Variants in CCDC68 observed in about 807,000 individuals in gnomAD.
CCDC68 encodes coiled-coil domain containing 68.
CCDC68 carries 45 observed loss-of-function variants against 47.1 expected under a neutral mutation model. That is an observed-to-expected ratio of 0.96 (90% CI 0.75 to 1.23). CCDC68 has a LOEUF of 1.23. Among genes scored for constraint, CCDC68 ranks in the 50% most tolerant of loss-of-function variants. The pLI is 0.00. For synonymous variants in CCDC68, 131 were observed against 129.5 expected (o/e 1.01, Z -0.08); for missense variants, 353 against 373.6 (o/e 0.94, Z 0.45).
chr18:54,905,144 C>G (rs997215091), intron 11 of CCDC68, among the ~76,000 whole-genome samples: 1 of 151,712 alleles, frequency 6.6e-6, no homozygotes, highest in Admixed American at 6.6e-5. Flanking sequence ...GCCCTAGCTA[C>G]TGGGGAGGCT....
chr18:54,922,524 C>A (rs777819152), intron 8 of CCDC68, among the ~76,000 whole-genome samples: 1 of 152,012 alleles, frequency 6.6e-6, no homozygotes, highest in Admixed American at 6.6e-5. Flanking sequence ...CAGAAGAAAA[C>A]CTCAGTTACT....
intron 7 of CCDC68, among the ~76,000 whole-genome samples, chr18:54,930,354 A>C (rs1300201529): frequency 1.3e-5 from 2 of 152,280 alleles, no homozygotes; most frequent in African/African-American, 4.8e-5. Context: ...CTATATTGAA[A>C]TGTTGGGATA....
At chr18:54,929,262 T>C (rs2044202246) in intron 7 of CCDC68, among the ~76,000 whole-genome samples, 1 of 152,200 alleles carries the variant, frequency 6.6e-6, no homozygotes, top group Non-Finnish European at 1.5e-5. Flanking sequence ...TACATTAGAC[T>C]GACTTGTTGG....
chr18:54,914,883 A>G (rs1207957257), intron 10 of CCDC68, among the ~76,000 whole-genome samples: 3 of 152,242 alleles, frequency 2.0e-5, no homozygotes, highest in Admixed American at 6.5e-5. Context: ...TGTTTAACCA[A>G]CAGGCCAGCT....
At chr18:54,922,426 A>G (rs781612074) in intron 8 of CCDC68, among the ~76,000 whole-genome samples, 6 of 152,182 alleles carry the variant, frequency 3.9e-5, no homozygotes, top group Non-Finnish European at 8.8e-5. Flanking sequence ...TGCGAGAGGC[A>G]GGACTGAGAA....
At chr18:54,920,372 C>T (rs2044036871) in intron 8 of CCDC68, among the ~76,000 whole-genome samples, 1 of 151,466 alleles carries the variant, frequency 6.6e-6, no homozygotes, top group Non-Finnish European at 1.5e-5. Flanking sequence ...ATTCTTGCAG[C>T]TGGGATTACA....
At chr18:54,914,712 TTACTG>T (rs1318577433) in intron 10 of CCDC68, among the ~76,000 whole-genome samples, 5 of 152,150 alleles carry the variant, frequency 3.3e-5, no homozygotes, top group Non-Finnish European at 5.9e-5. Flanking sequence ...TTCTGTCACA[TTACTG>T]TAGAGAGTCT....
chr18:54,932,761 G>A (rs987672570), intron 7 of CCDC68, among the ~76,000 whole-genome samples: 2 of 152,192 alleles, frequency 1.3e-5, no homozygotes, highest in African/African-American at 4.8e-5. Flanking sequence ...CTGAGCCACT[G>A]AACCTTATTC....
chr18:54,941,184 T>C, intron 3 of CCDC68, 101 bp from the exon 4 acceptor site: 1 of 670,306 alleles, frequency 1.5e-6, no homozygotes, highest in East Asian at 2.7e-5. Flanking sequence ...TAGAAAGTAA[T>C]ACATATATAC....
intron 1 of CCDC68, among the ~76,000 whole-genome samples, chr18:54,949,237 C>A (rs2044575192): frequency 6.6e-6 from 1 of 152,164 alleles, no homozygotes; most frequent in Admixed American, 6.5e-5. Flanking sequence ...CTCAAGTGAT[C>A]CACCCACCTT....
At chr18:54,928,014 A>G (rs1269545055) in intron 8 of CCDC68, among the ~76,000 whole-genome samples, 1 of 152,242 alleles carries the variant, frequency 6.6e-6, no homozygotes, top group Non-Finnish European at 1.5e-5. Flanking sequence ...GGTGCCTGAT[A>G]CCCTAGTGAA....
intron 8 of CCDC68, among the ~76,000 whole-genome samples, chr18:54,924,684 G>A (rs974962654): frequency 6.6e-6 from 1 of 152,098 alleles, no homozygotes; most frequent in African/African-American, 2.4e-5. Flanking sequence ...TAGCAACATG[G>A]GATGATCATA....
At chr18:54,929,453 A>T in intron 7 of CCDC68, among the ~76,000 whole-genome samples, 1 of 152,246 alleles carries the variant, frequency 6.6e-6, no homozygotes, top group Middle Eastern at 3.2e-3. Context: ...TTTTAAAAAG[A>T]TGCCTTAATT....
rs532519399 is a variant in CCDC68 at position 54,959,364 on chromosome 18, C to G, written c.-131G>C. Reference sequence around the variant, plus strand: ...GTGGGGCGCCCAGCCGACGCGGGGTCCCGGTGCTGCTCCTCCCCTGGGCGA... The same window carrying G: ...GTGGGGCGCCCAGCCGACGCGGGGTGCCGGTGCTGCTCCTCCCCTGGGCGA... On this transcript the variant is annotated 5_prime_UTR_variant, in exon 1 of 12. Coordinates refer to ENST00000591504, the MANE Select transcript of CCDC68 (RefSeq NM_025214.3). 6.6e-6 allele frequency: 1 copy of G among 152,364 alleles called. No individual in the cohort carries two copies. The highest frequency in any genetic ancestry group is 6.5e-5 in the Admixed American group (1 of 15,304). The allele number at this position is 152,364 out of a possible 1,614,324, so 9.4% of individuals were successfully genotyped here. A position where few individuals can be genotyped will look rare whatever the true frequency, so the allele number is the denominator to read the frequency against.
At chr18:54,936,745 GT>G in intron 6 of CCDC68, 87 bp downstream of exon 6, 1 of 1,529,770 alleles carries the variant, frequency 6.5e-7, no homozygotes, top group Non-Finnish European at 9.0e-7. Context: ...GCCATTGCTT[GT>G]TTCATTTCTA....
intron 10 of CCDC68, among the ~76,000 whole-genome samples, chr18:54,909,075 T>C (rs1007925056): frequency 6.6e-6 from 1 of 152,188 alleles, no homozygotes; most frequent in African/African-American, 2.4e-5. Context: ...ATCCTATTCA[T>C]GCAGAGCTCA....
At chr18:54,947,746 G>T (rs770475775) in intron 1 of CCDC68, among the ~76,000 whole-genome samples, 21 of 152,230 alleles carry the variant, frequency 1.4e-4, no homozygotes, top group Admixed American at 6.5e-4. Flanking sequence ...AAATCTGGGT[G>T]GTTTCCTTTC....
chr18:54,944,634 G>T (rs1738795652), intron 2 of CCDC68, among the ~76,000 whole-genome samples: 1 of 151,594 alleles, frequency 6.6e-6, no homozygotes, highest in African/African-American at 2.4e-5. Context: ...ACTAAAACCT[G>T]GCAAAAAAAG....
rs1913790981 is a variant in CCDC68, at chr18:54,903,349, A to T, written c.*1009T>A. 1 of 152,296 alleles carries T rather than the reference A, an allele frequency of 6.6e-6. No individual in the cohort carries two copies. Among genetic ancestry groups the T allele is most frequent in the East Asian group, 1.9e-4 (1 of 5,172 alleles). The allele number at this position is 152,296 out of a possible 1,614,324, so 9.4% of individuals were successfully genotyped here. On this transcript the variant is annotated 3_prime_UTR_variant, in exon 12 of 12. Transcript: ENST00000591504. ...GTATGTCTGCATTTCTGCAAGTCAG[A>T]ATTTGTTCTATTCACTGCAATCACA...
Sources: gnomAD v4.1 joint callset for allele counts (sites outside exome capture counted in the v4.1 genomes callset) on GRCh38, gnomAD v4.1.1 for gene constraint, MANE v1.5 for transcripts, NCBI Gene and HGNC (gene_info 2026-07-23, HGNC 2026-07-21) for gene names.